Variants in TBC1D19 observed in about 807,000 individuals in gnomAD.
The protein encoded by TBC1D19 is TBC1 domain family, member 19.
A neutral mutation model predicts 89.0 loss-of-function variants in TBC1D19; 60 were observed. The ratio of observed to expected loss-of-function variants is 0.67; its 90% confidence interval spans 0.55 to 0.84. The LOEUF (loss-of-function observed/expected upper bound fraction) is 0.84, where lower values mean the gene tolerates loss of function less well. Ranked by LOEUF, TBC1D19 falls within the 40% of genes least tolerant of loss-of-function variation. TBC1D19 has a pLI of 0.00. For synonymous variants in TBC1D19, 189 were observed against 199.7 expected (o/e 0.95, Z 0.45); for missense variants, 500 against 610.8 (o/e 0.82, Z 1.91).
chr4:26,577,284 T>C (rs1039921627), intron 1 of TBC1D19, among the ~76,000 whole-genome samples: 8 of 149,420 alleles, frequency 5.4e-5, no homozygotes, highest in Admixed American at 2.7e-4. Context: ...TTCTCTCTCG[T>C]GTGTGTGTGT....
At chr4:26,641,954 T>A (rs10939128) in intron 7 of TBC1D19, among the ~76,000 whole-genome samples, 1 of 152,002 alleles carries the variant, frequency 6.6e-6, no homozygotes, top group East Asian at 1.9e-4. Context: ...CTACATTTGA[T>A]TGGTATACCT....
the TBC1D19 span, among the ~76,000 whole-genome samples, chr4:26,848,359 C>A: frequency 6.6e-6 from 1 of 152,224 alleles, no homozygotes; most frequent in Non-Finnish European, 1.5e-5. Flanking sequence ...TTTTAGCTTT[C>A]ATAATCATGT....
At chr4:26,753,436 C>G (rs182858857) in intron 19 of TBC1D19, among the ~76,000 whole-genome samples, 36 of 152,112 alleles carry the variant, frequency 2.4e-4, no homozygotes, top group African/African-American at 8.4e-4. Flanking sequence ...TCAAGACCAG[C>G]CTAGGCAACA....
chr4:26,756,501 T>A (rs985606660), downstream of TBC1D19, among the ~76,000 whole-genome samples: 1 of 152,200 alleles, frequency 6.6e-6, no homozygotes, highest in Non-Finnish European at 1.5e-5. Context: ...ATTTTGGTCC[T>A]CCTGTAAATC....
At chr4:26,730,147 G>T (rs1159936283) in intron 15 of TBC1D19, among the ~76,000 whole-genome samples, 1 of 152,038 alleles carries the variant, frequency 6.6e-6, no homozygotes, top group Non-Finnish European at 1.5e-5. Flanking sequence ...GAAATAAAAG[G>T]TTAAAAAATG....
chr4:26,606,483 G>A (rs1347403813), intron 1 of TBC1D19, among the ~76,000 whole-genome samples: 3 of 152,294 alleles, frequency 2.0e-5, no homozygotes, highest in African/African-American at 7.2e-5. Flanking sequence ...ACCCCAGGAT[G>A]GAGTGGTGGA....
chr4:26,699,546 A>G (rs1337262683), intron 13 of TBC1D19, among the ~76,000 whole-genome samples: 3 of 152,206 alleles, frequency 2.0e-5, no homozygotes, highest in Non-Finnish European at 2.9e-5. Flanking sequence ...TCATGCTACT[A>G]TAAAGGGACA....
At chr4:26,651,621 A>G (rs1442324550) in intron 7 of TBC1D19, among the ~76,000 whole-genome samples, 3 of 152,136 alleles carry the variant, frequency 2.0e-5, no homozygotes, top group South Asian at 2.1e-4. Flanking sequence ...GGCTGAGACG[A>G]TGGGGTTTTC....
downstream of TBC1D19, among the ~76,000 whole-genome samples, chr4:26,756,943 C>T (rs1305753616): frequency 6.6e-6 from 1 of 152,150 alleles, no homozygotes; most frequent in Non-Finnish European, 1.5e-5. Context: ...TCCGCAGACC[C>T]CTCTCTGCCA....
chr4:26,615,587 T>C (rs1741634286), intron 3 of TBC1D19, among the ~76,000 whole-genome samples: 1 of 152,148 alleles, frequency 6.6e-6, no homozygotes, highest in African/African-American at 2.4e-5. Context: ...CTTACCAGAA[T>C]TGTTTCTAAA....
chr4:26,733,292 C>T (rs772623116), intron 15 of TBC1D19, among the ~76,000 whole-genome samples: 2 of 152,136 alleles, frequency 1.3e-5, no homozygotes, highest in Non-Finnish European at 2.9e-5. Flanking sequence ...TGCTTATTAA[C>T]AAATAATAGC....
intron 9 of TBC1D19, among the ~76,000 whole-genome samples, chr4:26,671,233 T>A (rs938307255): frequency 6.6e-6 from 1 of 151,808 alleles, no homozygotes; most frequent in African/African-American, 2.4e-5. Flanking sequence ...TTTTAGCTAT[T>A]GTGGTGGTTG....
At chr4:26,721,470 G>A (rs1716974005) in intron 15 of TBC1D19, among the ~76,000 whole-genome samples, 2 of 151,588 alleles carry the variant, frequency 1.3e-5, no homozygotes, top group South Asian at 2.1e-4. Flanking sequence ...CACCATCCCC[G>A]CTGCCTTGTC....
chr4:26,600,814 C>T (rs1194501309), intron 1 of TBC1D19, among the ~76,000 whole-genome samples: 2 of 152,146 alleles, frequency 1.3e-5, no homozygotes, highest in Non-Finnish European at 2.9e-5. Flanking sequence ...CAGAACTTTC[C>T]ATCTGAAACT....
chr4:26,719,382 C>T (rs1716839636), intron 14 of TBC1D19, among the ~76,000 whole-genome samples: 1 of 152,022 alleles, frequency 6.6e-6, no homozygotes, highest in African/African-American at 2.4e-5. Context: ...AAAAATATTA[C>T]TCTTAGCCCA....
chr4:26,811,903 A>C, the TBC1D19 span, among the ~76,000 whole-genome samples: 70 of 152,316 alleles, frequency 4.6e-4, 4 homozygotes, highest in East Asian at 0.012. Context: ...CTGTGTTATC[A>C]GCAAGGCCTT....
At chr4:26,678,478 T>C (rs1341794437) in intron 11 of TBC1D19, among the ~76,000 whole-genome samples, 1 of 150,720 alleles carries the variant, frequency 6.6e-6, no homozygotes, top group Admixed American at 6.6e-5. Flanking sequence ...ATGTAAGAGG[T>C]GGGCAGGGAA....
chr4:26,789,303 G>A, the TBC1D19 span, among the ~76,000 whole-genome samples: 2 of 152,344 alleles, frequency 1.3e-5, no homozygotes, highest in Admixed American at 1.3e-4. Context: ...AGTTAGACTT[G>A]CTGTGTGATT....
At chr4:26,584,426 CAAAA>C in intron 1 of TBC1D19, 134 bp downstream of exon 1, 7 of 262,368 alleles carry the variant, frequency 2.7e-5, no homozygotes, top group East Asian at 6.1e-5. Context: ...AACAAACAGA[CAAAA>C]ACAAAAACAA....
Sources: allele counts gnomAD v4.1 joint callset (sites outside exome capture counted in the v4.1 genomes callset), GRCh38; gene constraint gnomAD v4.1.1; transcripts MANE v1.5; gene names NCBI Gene and HGNC (gene_info 2026-07-23, HGNC 2026-07-21).